Variants in ATP6V0A4 observed in about 807,000 individuals in gnomAD.
The protein encoded by ATP6V0A4 is V-type proton ATPase 116 kDa subunit a 4.
ATP6V0A4 carries 86 observed loss-of-function variants against 107.3 expected under a neutral mutation model. The ratio of observed to expected loss-of-function variants is 0.80; its 90% confidence interval spans 0.67 to 0.96. The LOEUF is 0.96. ATP6V0A4 is among the 40% of genes least tolerant of loss of function. ATP6V0A4 has a pLI of 0.00. For missense variants in ATP6V0A4, 908 were observed against 1,045.6 expected (o/e 0.87, Z 1.81); for synonymous variants, 353 against 381.4 (o/e 0.93, Z 0.87).
At chr7:138,748,801 C>T (rs61392013) in intron 12 of ATP6V0A4, among the ~76,000 whole-genome samples, 7,074 of 152,202 alleles carry the variant, frequency 0.046, 201 homozygotes, top group African/African-American at 0.065. Context: ...GTCTTTCCCA[C>T]ACAATAACCA....
At chr7:138,797,208 C>CTTTTTTT (rs3842142) in intron 1 of ATP6V0A4, among the ~76,000 whole-genome samples, 69 of 96,012 alleles carry the variant, frequency 7.2e-4, no homozygotes, top group African/African-American at 1.2e-3. Context: ...ATGCCATTTT[C>CTTTTTTT]TTTTTTTTTT....
chr7:138,759,052 A>AT (rs33940158), intron 8 of ATP6V0A4, among the ~76,000 whole-genome samples: 7,933 of 54,600 alleles, frequency 0.15, 1,188 homozygotes, highest in South Asian at 0.19. Context: ...TGCCCAGCCT[A>AT]TTTTTTTTTT....
At chr7:138,789,686 TTA>T (rs1808318113) in intron 1 of ATP6V0A4, among the ~76,000 whole-genome samples, 1 of 151,492 alleles carries the variant, frequency 6.6e-6, no homozygotes, top group Non-Finnish European at 1.5e-5. Context: ...ATGTATTAAC[TTA>T]GGCCAGGTGC....
rs973834072 is a variant in ATP6V0A4, at chr7:138,747,482, A to G, written c.1263T>C (p.Ala421=). ...TCTCATTCAGAATCATCCAAAGTGC[A>G]GCCAGGAGCATCACGGTTCCATGAC... ...DCGHGTVMLL[A]ALWMILNERR... is the part of the protein sequence containing the mutation. Residue 421 remains alanine, a synonymous_variant, in exon 13 of 22, where the codon GCT becomes GCC. Transcript: ENST00000310018. 6 of 1,614,154 alleles carry G rather than the reference A, an allele frequency of 3.7e-6. No individual in the cohort carries two copies. Among genetic ancestry groups the G allele is most frequent in the Non-Finnish European group, 5.1e-6 (6 of 1,180,026 alleles).
chr7:138,753,866 A>ATTATATGC (rs1806368605), intron 10 of ATP6V0A4, among the ~76,000 whole-genome samples: 1 of 152,172 alleles, frequency 6.6e-6, no homozygotes, highest in Admixed American at 6.5e-5. Flanking sequence ...CATAGCCCGA[A>ATTATATGC]TTATATGCCT....
At chr7:138,794,893 C>T (rs1257732347) in intron 1 of ATP6V0A4, among the ~76,000 whole-genome samples, 1 of 117,886 alleles carries the variant, frequency 8.5e-6, no homozygotes, top group African/African-American at 3.5e-5. Context: ...GTCCAGCCCA[C>T]CCTATTTTTT....
intron 19 of ATP6V0A4, among the ~76,000 whole-genome samples, chr7:138,717,425 A>G (rs1163907986): frequency 6.6e-6 from 1 of 152,124 alleles, no homozygotes; most frequent in Non-Finnish European, 1.5e-5. Context: ...GTGCACCTGT[A>G]ATCCAGCTAC....
chr7:138,763,176 G>GACACACACAGACACACACAC, intron 5 of ATP6V0A4, 151 bp from the exon 6 acceptor site: 1 of 815,292 alleles, frequency 1.2e-6, no homozygotes, highest in Non-Finnish European at 1.9e-6. Flanking sequence ...GACACACACA[G>GACACACACAGACACACACAC]ACACACACAG....
Position 138,722,031 on chromosome 7 carries a change from A to T in ATP6V0A4, c.2011-6T>A, listed in dbSNP as rs1247482964. On this transcript the variant is annotated splice_region_variant and splice_polypyrimidine_tract_variant and intron_variant, in intron 18 of 21. Coordinates refer to ENST00000310018, the MANE Select transcript of ATP6V0A4 (RefSeq NM_020632.3). ...TGGATCCTGGATGCCTGCAGCTGAC[A>T]ACAAGCAGGGAAATGAGGAATGCGC... is the stretch of plus-strand genomic sequence containing the variant. 1 of 1,614,120 alleles carries T rather than the reference A, an allele frequency of 6.2e-7. No homozygotes were observed. Among genetic ancestry groups the T allele is most frequent in the South Asian group, 1.1e-5 (1 of 91,070 alleles).
chr7:138,753,314 C>G (rs1028797602), intron 10 of ATP6V0A4, among the ~76,000 whole-genome samples: 1 of 152,152 alleles, frequency 6.6e-6, no homozygotes, highest in Non-Finnish European at 1.5e-5. Flanking sequence ...CCAAGGAATG[C>G]GGAGGACGGC....
chr7:138,723,791 G>T (rs1253745328), intron 18 of ATP6V0A4, among the ~76,000 whole-genome samples: 2 of 151,760 alleles, frequency 1.3e-5, no homozygotes, highest in South Asian at 4.2e-4. Flanking sequence ...CTCCCAAAGT[G>T]CTACGATTAC....
rs115726621 is a variant in ATP6V0A4, at chr7:138,712,010, G to C, written c.2258-2215C>G. On this transcript the variant is annotated intron_variant, in intron 20 of 21. Transcript: ENST00000310018. Reference sequence around the variant, plus strand: ...TGCAGTGGTGTGATCTCGGCTCACTGTAACTTCCAGCTCCCAGGTTCAAGT... The same window carrying C: ...TGCAGTGGTGTGATCTCGGCTCACTCTAACTTCCAGCTCCCAGGTTCAAGT... Among the ~76,000 whole-genome samples, 1,042 of 152,158 alleles carry C rather than the reference G, an allele frequency of 6.8e-3. 10 individuals are homozygous for C. Among genetic ancestry groups the C allele is most frequent in the African/African-American group, 0.024 (976 of 41,508 alleles).
chr7:138,734,099 C>T, intron 16 of ATP6V0A4, 37 bp downstream of exon 16: 1 of 1,575,102 alleles, frequency 6.3e-7, no homozygotes, highest in Non-Finnish European at 8.7e-7. Context: ...TCAGTGTGAT[C>T]AGACAGAGCA....
intron 1 of ATP6V0A4, among the ~76,000 whole-genome samples, chr7:138,788,701 G>T (rs1808270035): frequency 1.3e-5 from 2 of 152,220 alleles, no homozygotes; most frequent in Non-Finnish European, 1.5e-5. Context: ...GAGGGACTCA[G>T]TGGGAGGTAA....
intron 19 of ATP6V0A4, among the ~76,000 whole-genome samples, chr7:138,718,608 A>ATGGGGAGGAC (rs1804255505): frequency 4.0e-5 from 3 of 74,482 alleles, no homozygotes; most frequent in East Asian, 4.5e-4. Context: ...ATGGGGAGGA[A>ATGGGGAGGAC]TGGGGAGGAA....
At chr7:138,789,990 A>T (rs903373267) in intron 1 of ATP6V0A4, among the ~76,000 whole-genome samples, 16 of 144,648 alleles carry the variant, frequency 1.1e-4, no homozygotes, top group African/African-American at 3.6e-4. Context: ...AAAAAAAAAA[A>T]GTATTAACTT....
At chr7:138,713,821 C>T (rs1803876993) in intron 20 of ATP6V0A4, among the ~76,000 whole-genome samples, 1 of 151,980 alleles carries the variant, frequency 6.6e-6, no homozygotes. Flanking sequence ...GTTCTTCAGG[C>T]CAGGCACAAT....
chr7:138,738,919 C>T (rs1415726304), intron 15 of ATP6V0A4, among the ~76,000 whole-genome samples: 1 of 152,174 alleles, frequency 6.6e-6, no homozygotes, highest in Non-Finnish European at 1.5e-5. Flanking sequence ...CACCTGGTGG[C>T]AGCATGCACT....
intron 10 of ATP6V0A4, among the ~76,000 whole-genome samples, chr7:138,755,056 C>G (rs1369673314): frequency 6.6e-6 from 1 of 152,210 alleles, no homozygotes; most frequent in African/African-American, 2.4e-5. Flanking sequence ...GACACATGAA[C>G]CTTCTATCAT....
Sources: allele counts gnomAD v4.1 joint callset (sites outside exome capture counted in the v4.1 genomes callset), GRCh38; gene constraint gnomAD v4.1.1; transcripts MANE v1.5; gene names NCBI Gene and HGNC (gene_info 2026-07-23, HGNC 2026-07-21).